U2SURP: variants seen among roughly 807,000 people sequenced by gnomAD.
U2SURP encodes the protein U2 snRNP associated SURP domain containing.
U2SURP carries 9 observed loss-of-function variants against 144.9 expected under a neutral mutation model. The observed-to-expected ratio is 0.06, with a 90% confidence interval of 0.04 to 0.11. The LOEUF (loss-of-function observed/expected upper bound fraction) is 0.11. U2SURP is among the 10% of genes least tolerant of loss of function. U2SURP has a pLI of 1.00. For missense variants in U2SURP, 724 were observed against 1,226.7 expected, an observed-to-expected ratio of 0.59 and a Z score of 6.12; for synonymous variants, 408 against 396.8, an observed-to-expected ratio of 1.03 and a Z score of -0.33.
At chr3:143,038,706 AATTAT>A (rs1933938787) in intron 22 of U2SURP, among the ~76,000 whole-genome samples, 183 bp from the exon 23 acceptor site, 1 of 152,010 alleles carries the variant, frequency 6.6e-6, no homozygotes, top group Non-Finnish European at 1.5e-5. Flanking sequence ...CATGAATTTG[AATTAT>A]ATTGTAGGTG....
chr3:143,009,165 A>G lies in U2SURP; in HGVS notation c.46-1650A>G, dbSNP rs1935991114. On this transcript the variant is annotated intron_variant, in intron 1 of 27. Transcript: ENST00000473835. ...TATTTGTAAATTTATGCATTTCAAG[A>G]TATGTTTCAGGGTGTGTTTCATAGT... 3.9e-5 allele frequency among the ~76,000 whole-genome samples: 6 copies of G among 152,176 alleles called. 1 individual carries two copies. The South Asian group carries it at 1.2e-3, about 31-fold the overall frequency.
rs199543997 is a variant in U2SURP, at chr3:143,002,889, G to GT, written c.45+1224dup. Among the ~76,000 whole-genome samples, 529 of 151,990 alleles carry GT rather than the reference G, an allele frequency of 3.5e-3. 5 individuals are homozygous for GT. The highest frequency in any genetic ancestry group is 0.012 in the African/African-American group (504 of 41,382). ...GGCTTCTTTACAAGGTATTGTGTCA[G>GT]TTTTTTTTCCCCCTCCTCAGTACAT... On this transcript the variant is annotated intron_variant, in intron 1 of 27. Transcript: ENST00000473835.
At position 143,033,326 on chromosome 3, in the gene U2SURP, C is replaced by T; in HGVS notation, c.1829C>T (p.Ala610Val). ...TTGTACAACTCTTCAGCCAAAGTTG[C>T]TAATGCTTCATATTATAGAAAATTG... The part of the protein sequence containing the change: ...DVLYNSSAKV[A>V]NASYYRKFFE... The change falls in exon 18 of 28, where the codon GCT becomes GTT. Residue 610 changes from alanine to valine, a missense_variant. Ala to Val is a moderately conservative substitution (Grantham distance 64, BLOSUM62 0). Coordinates refer to ENST00000473835, the MANE Select transcript of U2SURP (RefSeq NM_001080415.2). 6.5e-7 allele frequency: 1 copy of T among 1,536,140 alleles called. No individual in the cohort carries two copies. Among genetic ancestry groups the T allele is most frequent in the East Asian group, 2.5e-5 (1 of 40,744 alleles).
intron 1 of U2SURP, among the ~76,000 whole-genome samples, chr3:143,009,844 A>G (rs1183775204): frequency 1.3e-5 from 2 of 152,172 alleles, no homozygotes; most frequent in Non-Finnish European, 2.9e-5. Context: ...TTTCTCTTAA[A>G]CTAATATTTT....
intron 24 of U2SURP, among the ~76,000 whole-genome samples, chr3:143,047,884 C>CG (rs1309467921): frequency 6.7e-6 from 1 of 149,158 alleles, no homozygotes; most frequent in African/African-American, 2.5e-5. Flanking sequence ...GGGGGCTGAC[C>CG]CCCCCCAACC....
chr3:143,051,323 C>G (rs570101114), intron 25 of U2SURP, among the ~76,000 whole-genome samples: 2 of 152,100 alleles, frequency 1.3e-5, no homozygotes, highest in African/African-American at 4.8e-5. Context: ...CTGGAAAACC[C>G]TTCAGGACAA....
In U2SURP at chr3:143,014,364, T is replaced by C; in HGVS notation, c.276T>C (p.Ala92=). 1 of 1,609,852 alleles carries C rather than the reference T, an allele frequency of 6.2e-7. No homozygotes were observed. The highest frequency in any genetic ancestry group is 8.5e-7 in the Non-Finnish European group (1 of 1,177,772). The change falls in exon 4 of 28, where the codon GCT becomes GCC. Residue 92 remains alanine (A), a synonymous_variant. Coordinates refer to ENST00000473835, the MANE Select transcript of U2SURP (RefSeq NM_001080415.2). ...KAFSIGKMST[A]KRTLSKKEQE... ...TCAGTATTGGAAAAATGAGTACAGC[T>C]AAGCGAACTTTAAGTAAAAAGGAAC...
In U2SURP at chr3:143,010,823, A is replaced by T; in HGVS notation, c.54A>T (p.Ser18=). The T allele has an allele frequency of 6.2e-7, 1 of 1,607,638 alleles. No homozygotes were observed. The part of the protein sequence containing the change: ...GSQKASSKTR[S]SDVHSSGSSD... ...ATTTTTGATACTTGTAGACGAGATC[A>T]TCAGATGTTCATTCATCTGGATCTT... Residue 18 remains serine, a synonymous_variant, in exon 2 of 28, where the codon TCA becomes TCT. Coordinates refer to ENST00000473835, the MANE Select transcript of U2SURP (RefSeq NM_001080415.2).
In U2SURP at chr3:143,009,706, G is replaced by A. The variant is rs1036077421; in HGVS notation, c.46-1109G>A. On this transcript the variant is annotated intron_variant, in intron 1 of 27. Coordinates refer to ENST00000473835, the MANE Select transcript of U2SURP (RefSeq NM_001080415.2). ...CTATGCTAATGCGCAATACAGTGGA[G>A]TTCAGAGGAGTAAATTGATTCAGTG... is the stretch of plus-strand genomic sequence containing the variant. Among the ~76,000 whole-genome samples the A allele has an allele frequency of 2.6e-5, 4 of 152,304 alleles. No individual in the cohort carries two copies. In the South Asian group the frequency reaches 8.3e-4, roughly 32 times the overall value.
chr3:143,023,089 C>G lies in U2SURP; in HGVS notation c.1230+25C>G, dbSNP rs752923226. On this transcript the variant is annotated intron_variant, in intron 12 of 27. Coordinates refer to ENST00000473835, the MANE Select transcript of U2SURP (RefSeq NM_001080415.2). ...GGTAATTTAAAAAATGGACATAAGGCCGCATCTAATTTGTAAATACTAAAG... is the reference window on the plus strand; with the variant it reads ...GGTAATTTAAAAAATGGACATAAGGGCGCATCTAATTTGTAAATACTAAAG... 20 of 1,536,992 alleles carry G rather than the reference C, an allele frequency of 1.3e-5. 1 individual carries two copies. In the South Asian group the frequency reaches 2.4e-4, roughly 19 times the overall value.
chr3:143,016,310 A>G lies in U2SURP; in HGVS notation c.375A>G (p.Glu125=). Residue 125 remains glutamate, a synonymous_variant, in exon 5 of 28, where the codon GAA becomes GAG. Coordinates refer to ENST00000473835, the MANE Select transcript of U2SURP (RefSeq NM_001080415.2). ...ATGAGGAGTTTCTTGCTGCTTTTGA[A>G]GGAAGTGATGGTAATAAAGTGAAAA... ...EIYEEFLAAF[E]GSDGNKVKTF... 5 of 1,613,430 alleles carry G rather than the reference A, an allele frequency of 3.1e-6. No homozygotes were observed. Among genetic ancestry groups the G allele is most frequent in the Non-Finnish European group, 4.2e-6 (5 of 1,179,448 alleles).
Position 143,060,508 on chromosome 3 carries a change from G to A in U2SURP, c.*4058G>A, listed in dbSNP as rs971277931. 6.6e-6 allele frequency: 1 copy of A among 151,818 alleles called. No individual in the cohort carries two copies. Among genetic ancestry groups the A allele is most frequent in the African/African-American group, 2.4e-5 (1 of 41,392 alleles). 9.4% of individuals were successfully genotyped at this position (151,818 alleles called of 1,614,324 possible). A position where few individuals can be genotyped will look rare whatever the true frequency, so the allele number is the denominator to read the frequency against. On this transcript the variant is annotated 3_prime_UTR_variant, in exon 28 of 28. Transcript: ENST00000473835. ...GTGAAATTTCCCTTTTGTTGTTTTT[G>A]ACTTTTAATTAATAAAAGTACATTG...
chr3:143,028,309 A>G (rs1351069048), intron 14 of U2SURP, 31 bp from the exon 15 acceptor site: 1 of 1,583,152 alleles, frequency 6.3e-7, no homozygotes, highest in South Asian at 1.1e-5. Context: ...GTTAAAGAAT[A>G]TGATGTTTAA....
chr3:143,053,576 TA>T, intron 25 of U2SURP, 99 bp from the exon 26 acceptor site: 1 of 910,480 alleles, frequency 1.1e-6, no homozygotes, highest in Non-Finnish European at 1.6e-6. Flanking sequence ...AGTAGTAATT[TA>T]AAAAATTATT....
At chr3:143,024,575 T>C (rs950645567) in intron 13 of U2SURP, 7 of 416,928 alleles carry the variant, frequency 1.7e-5, no homozygotes, top group African/African-American at 1.5e-4. Context: ...TATTTTCCTT[T>C]CTTCCTTTTT....
chr3:143,027,256 G>T lies in U2SURP; in HGVS notation c.1379+3G>T. On this transcript the variant is annotated splice_donor_region_variant and intron_variant, in intron 14 of 27. Coordinates refer to ENST00000473835, the MANE Select transcript of U2SURP (RefSeq NM_001080415.2). ...GAAATCAACAATCCTATGTTCAGGTGTGCATTTTTTAAAAATTGTGAAATA... is the reference window on the plus strand; with the variant it reads ...GAAATCAACAATCCTATGTTCAGGTTTGCATTTTTTAAAAATTGTGAAATA... 1 of 1,608,816 alleles carries T rather than the reference G, an allele frequency of 6.2e-7. No individual in the cohort carries two copies. The highest frequency in any genetic ancestry group is 8.5e-7 in the Non-Finnish European group (1 of 1,176,684).
chr3:143,039,678 A>T (rs1312934978), intron 23 of U2SURP, among the ~76,000 whole-genome samples: 1 of 150,068 alleles, frequency 6.7e-6, no homozygotes, highest in South Asian at 2.1e-4. Context: ...GTCTTTAAAA[A>T]TTTTGCGTTC....
At chr3:143,052,215 A>G (rs928984908) in intron 25 of U2SURP, among the ~76,000 whole-genome samples, 5 of 152,120 alleles carry the variant, frequency 3.3e-5, no homozygotes, top group Non-Finnish European at 7.4e-5. Context: ...ACCAGCATGG[A>G]TAAACCCCGT....
intron 24 of U2SURP, among the ~76,000 whole-genome samples, chr3:143,048,677 C>T (rs181479161): frequency 6.6e-6 from 1 of 152,274 alleles, no homozygotes; most frequent in East Asian, 1.9e-4. Flanking sequence ...GTGGGCGGAT[C>T]ACTTGAAGTC....
Sources: allele counts gnomAD v4.1 joint callset (sites outside exome capture counted in the v4.1 genomes callset), GRCh38; gene constraint gnomAD v4.1.1; transcripts MANE v1.5; gene names NCBI Gene and HGNC (gene_info 2026-07-23, HGNC 2026-07-21).